RTN3: variants seen among roughly 807,000 people sequenced by gnomAD.
RTN3 encodes reticulon-3.
A neutral mutation model predicts 77.8 loss-of-function variants in RTN3; 49 were observed. That is an observed-to-expected ratio of 0.63 (90% confidence interval 0.50 to 0.80). The LOEUF (loss-of-function observed/expected upper bound fraction) is 0.80, where lower values mean the gene tolerates loss of function less well. Among genes scored for constraint, RTN3 ranks in the 30% least tolerant of loss-of-function variants. RTN3 has a pLI of 0.00. For missense variants in RTN3, 1,236 were observed against 1,211.9 expected (o/e 1.02, Z -0.29); for synonymous variants, 464 against 446.9 (o/e 1.04, Z -0.48).
intron 3 of RTN3, among the ~76,000 whole-genome samples, chr11:63,740,033 G>A (rs1473499438): frequency 1.3e-5 from 2 of 152,008 alleles, no homozygotes; most frequent in African/African-American, 2.4e-5. Context: ...TTCTGTTTCC[G>A]TAGCTTCAAA....
At chr11:63,734,317 G>A (rs2012915583) in intron 3 of RTN3, among the ~76,000 whole-genome samples, 1 of 151,800 alleles carries the variant, frequency 6.6e-6, no homozygotes, top group East Asian at 1.9e-4. Context: ...GTGTGGTGGT[G>A]CACACTTGTA....
chr11:63,700,491 C>T (rs1942183018), intron 1 of RTN3, among the ~76,000 whole-genome samples: 1 of 151,476 alleles, frequency 6.6e-6, no homozygotes, highest in East Asian at 1.9e-4. Context: ...ACCATGTTGC[C>T]CAGGCTGGTC....
intron 2 of RTN3, among the ~76,000 whole-genome samples, chr11:63,706,918 A>G (rs542143256): frequency 6.3e-4 from 87 of 139,152 alleles, no homozygotes; most frequent in Admixed American, 8.2e-4. Flanking sequence ...TTTTTTTGAG[A>G]TGGAGTCTTA....
intron 2 of RTN3, among the ~76,000 whole-genome samples, chr11:63,711,152 C>T (rs543489434): frequency 7.2e-5 from 11 of 151,986 alleles, no homozygotes; most frequent in South Asian, 2.1e-4. Context: ...TGGTGGTGCA[C>T]GCTTCTAGTC....
intron 3 of RTN3, among the ~76,000 whole-genome samples, chr11:63,738,054 G>A (rs539998374): frequency 6.6e-6 from 1 of 152,214 alleles, no homozygotes; most frequent in Non-Finnish European, 1.5e-5. Flanking sequence ...CGTCTCTTTT[G>A]CAACTCAAAA....
intron 3 of RTN3, among the ~76,000 whole-genome samples, chr11:63,727,233 C>T (rs978488159): frequency 6.6e-6 from 1 of 152,158 alleles, no homozygotes; most frequent in African/African-American, 2.4e-5. Flanking sequence ...AGGAATAGAA[C>T]ACAGTCTGGA....
chr11:63,729,537 A>C (rs532851051), intron 3 of RTN3, among the ~76,000 whole-genome samples: 23 of 144,576 alleles, frequency 1.6e-4, no homozygotes, highest in African/African-American at 5.2e-4. Flanking sequence ...GACTCACTGC[A>C]ACCTAGACCT....
chr11:63,698,996 A>G (rs1196453952), intron 1 of RTN3, among the ~76,000 whole-genome samples: 1 of 152,226 alleles, frequency 6.6e-6, no homozygotes, highest in African/African-American at 2.4e-5. Context: ...TAATAATATA[A>G]GGGATTCCTG....
intron 7 of RTN3, among the ~76,000 whole-genome samples, chr11:63,754,830 A>T (rs560318249): frequency 6.7e-6 from 1 of 148,794 alleles, no homozygotes; most frequent in South Asian, 2.2e-4. Context: ...AGAGAGGCTG[A>T]GGCAGGAGAA....
chr11:63,697,101 G>GTCTTGATCTCCTGACC (rs1390845926), intron 1 of RTN3, among the ~76,000 whole-genome samples: 1 of 149,480 alleles, frequency 6.7e-6, no homozygotes, highest in African/African-American at 2.5e-5. Context: ...AGCCAAGGTG[G>GTCTTGATCTCCTGACC]TCTTGATCTC....
At chr11:63,686,344 G>T (rs184364062) in intron 1 of RTN3, among the ~76,000 whole-genome samples, 1 of 151,890 alleles carries the variant, frequency 6.6e-6, no homozygotes, top group Admixed American at 6.6e-5. Context: ...GTGGCGGGGC[G>T]CCTGTAGTCC....
At chr11:63,744,264 AAAG>A (rs1172762330) in intron 3 of RTN3, among the ~76,000 whole-genome samples, 4 of 151,240 alleles carry the variant, frequency 2.6e-5, no homozygotes, top group South Asian at 2.1e-4. Flanking sequence ...AAAAAAAAAA[AAAG>A]TGGGAAAGGA....
At chr11:63,711,438 G>A (rs1334136167) in intron 2 of RTN3, among the ~76,000 whole-genome samples, 1 of 150,168 alleles carries the variant, frequency 6.7e-6, no homozygotes, top group Non-Finnish European at 1.5e-5. Flanking sequence ...TGCCCAGGCT[G>A]GAGTGCAGTG....
At chr11:63,716,171 A>C (rs868370495) in intron 2 of RTN3, among the ~76,000 whole-genome samples, 43 of 152,216 alleles carry the variant, frequency 2.8e-4, no homozygotes, top group African/African-American at 8.9e-4. Flanking sequence ...TATTACATCA[A>C]GTTTCAGTGA....
At chr11:63,681,484 C>G (rs753655649), upstream of RTN3, 1 of 780,932 alleles carries the variant, frequency 1.3e-6, no homozygotes, top group Non-Finnish European at 1.8e-6. Context: ...TCTAGCTGCG[C>G]TCGGCTGAGT....
chr11:63,690,792 A>T (rs1294759931), intron 1 of RTN3, among the ~76,000 whole-genome samples: 1 of 152,136 alleles, frequency 6.6e-6, no homozygotes, highest in Non-Finnish European at 1.5e-5. Context: ...TGCTTTCACA[A>T]CAGCTTTTGA....
chr11:63,719,286 A>G lies in RTN3; in HGVS notation c.784A>G (p.Lys262Glu), dbSNP rs1405107264. The G allele has an allele frequency of 1.2e-6, 2 of 1,614,142 alleles. No homozygotes were observed. Among genetic ancestry groups the G allele is most frequent in the Non-Finnish European group, 1.7e-6 (2 of 1,180,022 alleles). ...CAAAGCAGCATTTGACAAAGAATTT[A>G]AAGACTCATATAAGGAGAGCACAGA... is the stretch of plus-strand genomic sequence containing the variant. Reference protein sequence around the residue: ...IDKAAFDKEFKDSYKESTDDF... With the variant: ...IDKAAFDKEFEDSYKESTDDF... Residue 262 changes from lysine to glutamate, a missense_variant, in exon 3 of 9, where the codon AAA becomes GAA. Physicochemically the swap from Lys to Glu is moderately conservative, Grantham distance 56. This residue lies in a region of RTN3 where 1,056 missense variants were observed against 990.4 expected (regional missense o/e 1.07). Transcript: ENST00000377819.
At chr11:63,736,716 A>G (rs1274224601) in intron 3 of RTN3, among the ~76,000 whole-genome samples, 2 of 152,152 alleles carry the variant, frequency 1.3e-5, no homozygotes, top group African/African-American at 4.8e-5. Flanking sequence ...ATCCAAATGG[A>G]TATGTCTAGG....
intron 3 of RTN3, among the ~76,000 whole-genome samples, chr11:63,748,974 C>CACT (rs2013957515): frequency 6.6e-6 from 1 of 152,042 alleles, no homozygotes; most frequent in South Asian, 2.1e-4. Context: ...GGCCCCCACT[C>CACT]ACTTTTTTTA....
Sources: gnomAD v4.1 joint callset for allele counts (sites outside exome capture counted in the v4.1 genomes callset) on GRCh38, gnomAD v4.1.1 for gene constraint, gnomAD v4.1.1 regional missense constraint, MANE v1.5 for transcripts, NCBI Gene and HGNC (gene_info 2026-07-23, HGNC 2026-07-21) for gene names.